ATXN1: variants seen among roughly 807,000 people sequenced by gnomAD.
ATXN1 encodes ataxin-1.
Under a neutral mutation model 56.4 loss-of-function variants are expected in ATXN1, and 8 were observed. The ratio of observed to expected loss-of-function variants is 0.14; its 90% CI spans 0.08 to 0.26. ATXN1 has a LOEUF of 0.26. Among genes scored for constraint, ATXN1 ranks in the 10% least tolerant of loss-of-function variants. The pLI, the probability that ATXN1 is intolerant of heterozygous loss-of-function variation, is 1.00. For missense variants in ATXN1, 987 were observed against 1,106.5 expected (o/e 0.89, Z 1.53); for synonymous variants, 514 against 494.6 (o/e 1.04, Z -0.52).
chr6:16,350,211 G>A (rs983769388), intron 6 of ATXN1, among the ~76,000 whole-genome samples: 1 of 152,230 alleles, frequency 6.6e-6, no homozygotes. Context: ...CACTGTGGAC[G>A]TGGAAGATGC....
chr6:16,647,410 G>A (rs1763818604), intron 3 of ATXN1, among the ~76,000 whole-genome samples: 1 of 152,146 alleles, frequency 6.6e-6, no homozygotes, highest in South Asian at 2.1e-4. Flanking sequence ...TCAAACCCAG[G>A]AAGTTTGCCT....
At chr6:16,601,272 G>C (rs1347601263) in intron 3 of ATXN1, among the ~76,000 whole-genome samples, 2 of 152,220 alleles carry the variant, frequency 1.3e-5, no homozygotes, top group Non-Finnish European at 2.9e-5. Context: ...ATGTGACACA[G>C]AGCATTTAGC....
chr6:16,474,261 T>C (rs58784041), intron 6 of ATXN1, among the ~76,000 whole-genome samples: 1,965 of 152,366 alleles, frequency 0.013, 38 homozygotes, highest in African/African-American at 0.045. Context: ...AAAGGGAAAT[T>C]AGCAAGCATC....
intron 2 of ATXN1, among the ~76,000 whole-genome samples, chr6:16,709,984 AC>A (rs1479005409): frequency 6.6e-6 from 1 of 152,226 alleles, no homozygotes; most frequent in Non-Finnish European, 1.5e-5. Flanking sequence ...AATGAACTGC[AC>A]AAAATTCAAC....
intron 3 of ATXN1, among the ~76,000 whole-genome samples, chr6:16,616,593 A>G (rs1419251297): frequency 6.9e-6 from 1 of 145,466 alleles, no homozygotes; most frequent in African/African-American, 2.5e-5. Context: ...TTTATAATAT[A>G]TTATATACTA....
chr6:16,711,134 A>G (rs1357398255), intron 2 of ATXN1, among the ~76,000 whole-genome samples: 1 of 152,328 alleles, frequency 6.6e-6, no homozygotes, highest in Admixed American at 6.5e-5. Context: ...AAACACATAT[A>G]AAACCAAATG....
intron 2 of ATXN1, among the ~76,000 whole-genome samples, chr6:16,688,130 A>T (rs549593366): frequency 6.6e-6 from 1 of 152,336 alleles, no homozygotes; most frequent in African/African-American, 2.4e-5. Context: ...TGTATATTGT[A>T]TCACAGTGGT....
intron 6 of ATXN1, among the ~76,000 whole-genome samples, chr6:16,330,973 G>C (rs1358272832): frequency 6.6e-6 from 1 of 152,012 alleles, no homozygotes; most frequent in African/African-American, 2.4e-5. Context: ...AGTGTTGAAG[G>C]AGTAATGTCA....
chr6:16,436,937 G>A (rs1759406238), intron 6 of ATXN1, among the ~76,000 whole-genome samples: 1 of 152,294 alleles, frequency 6.6e-6, no homozygotes, highest in Admixed American at 6.5e-5. Context: ...AAGAGATGGT[G>A]GCACCGTGGA....
intron 4 of ATXN1, among the ~76,000 whole-genome samples, chr6:16,542,744 A>G (rs1392758613): frequency 6.6e-6 from 1 of 152,222 alleles, no homozygotes; most frequent in East Asian, 1.9e-4. Context: ...AACCATGAAT[A>G]GTACCTTTAT....
At chr6:16,757,813 A>G (rs1481204180) in intron 1 of ATXN1, among the ~76,000 whole-genome samples, 2 of 123,906 alleles carry the variant, frequency 1.6e-5, no homozygotes, top group African/African-American at 3.2e-5. Context: ...ACAGAGCTTC[A>G]GCAACTAAAG....
intron 3 of ATXN1, among the ~76,000 whole-genome samples, chr6:16,612,376 T>C (rs936467813): frequency 2.0e-5 from 3 of 152,250 alleles, no homozygotes; most frequent in Admixed American, 1.3e-4. Context: ...AACTCATTAA[T>C]AGACAGAAGT....
chr6:16,366,584 C>T (rs1181006327), intron 6 of ATXN1, among the ~76,000 whole-genome samples: 2 of 152,024 alleles, frequency 1.3e-5, no homozygotes, highest in African/African-American at 4.8e-5. Flanking sequence ...TGTTGGAGAC[C>T]AGACTAGCCA....
chr6:16,572,796 T>C (rs1762355539), intron 4 of ATXN1, among the ~76,000 whole-genome samples: 2 of 152,196 alleles, frequency 1.3e-5, no homozygotes, highest in African/African-American at 4.8e-5. Flanking sequence ...ATGCATACAC[T>C]TTTTCTGTTT....
Position 16,337,264 on chromosome 6 carries a change from G to A in ATXN1, c.-160-8794C>T, listed in dbSNP as rs550003687. Among the ~76,000 whole-genome samples, 72 of 152,356 alleles carry A rather than the reference G, an allele frequency of 4.7e-4. No individual in the cohort carries two copies. The South Asian group carries it at 9.7e-3, about 21-fold the overall frequency. ...TAGTGAGCAGATGACAGTTCTGGGG[G>A]TGCAGTTAGTGAGCTCTGCCACCCC... On this transcript the variant is annotated intron_variant, in intron 6 of 7. Transcript: ENST00000436367.
At chr6:16,736,627 A>G (rs1760143889) in intron 2 of ATXN1, among the ~76,000 whole-genome samples, 1 of 152,230 alleles carries the variant, frequency 6.6e-6, no homozygotes, top group East Asian at 1.9e-4. Context: ...GAAGGATTAA[A>G]TTCCTGTCAA....
intron 3 of ATXN1, among the ~76,000 whole-genome samples, chr6:16,595,121 A>G (rs1762791843): frequency 2.6e-5 from 4 of 152,210 alleles, no homozygotes; most frequent in Admixed American, 2.6e-4. Context: ...AAGTACCTCA[A>G]GCTTGTGAAA....
chr6:16,620,924 T>TA (rs34720078), intron 3 of ATXN1, among the ~76,000 whole-genome samples: 1 of 152,208 alleles, frequency 6.6e-6, no homozygotes, highest in Non-Finnish European at 1.5e-5. Context: ...GAGGTCCTAC[T>TA]AAAAAGGGTG....
intron 7 of ATXN1, among the ~76,000 whole-genome samples, chr6:16,307,479 G>A (rs1395979325): frequency 1.3e-5 from 2 of 151,950 alleles, no homozygotes; most frequent in African/African-American, 2.4e-5. Context: ...GACCAGCCTG[G>A]CCAACATGGG....
Sources: gnomAD v4.1 joint callset for allele counts (sites outside exome capture counted in the v4.1 genomes callset) on GRCh38, gnomAD v4.1.1 for gene constraint, MANE v1.5 for transcripts, NCBI Gene and HGNC (gene_info 2026-07-23, HGNC 2026-07-21) for gene names.